The following CSMD3 variants were observed in gnomAD, a reference collection of about 807,000 sequenced individuals.
The protein encoded by CSMD3 is CUB and sushi domain-containing protein 3.
In CSMD3, 177 loss-of-function variants were observed where a neutral mutation model predicts 435.2. The observed-to-expected ratio is 0.41, with a 90% CI of 0.36 to 0.46. The LOEUF (loss-of-function observed/expected upper bound fraction) is 0.46. CSMD3 is among the 20% of genes least tolerant of loss of function. The probability of loss-of-function intolerance (pLI) is 0.34; values close to 1 mark genes in which losing one functional copy is unlikely to be tolerated. For missense variants in CSMD3, 4,265 were observed against 4,504.6 expected, an observed-to-expected ratio of 0.95 and a Z score of 1.52; for synonymous variants, 1,656 against 1,520.5, an observed-to-expected ratio of 1.09 and a Z score of -2.07.
intron 5 of CSMD3, among the ~76,000 whole-genome samples, chr8:113,091,865 T>C (rs1044608559): frequency 6.6e-6 from 1 of 152,012 alleles, no homozygotes; most frequent in Admixed American, 6.6e-5. Flanking sequence ...TTAAGATGCA[T>C]CATGGGTGTT....
intron 38 of CSMD3, among the ~76,000 whole-genome samples, chr8:112,373,005 A>AT (rs1193076452): frequency 1.3e-3 from 168 of 132,648 alleles, no homozygotes; most frequent in Admixed American, 4.9e-3. Flanking sequence ...TATATATAAA[A>AT]ATATATATAT....
intron 30 of CSMD3, among the ~76,000 whole-genome samples, chr8:112,493,591 C>T (rs1820920185): frequency 1.3e-5 from 2 of 151,980 alleles, no homozygotes; most frequent in African/African-American, 4.8e-5. Flanking sequence ...ATTTTCTATC[C>T]CTATGCAAAA....
intron 10 of CSMD3, among the ~76,000 whole-genome samples, chr8:112,861,416 CAT>C (rs1398392302): frequency 2.0e-5 from 3 of 151,876 alleles, no homozygotes; most frequent in East Asian, 3.8e-4. Flanking sequence ...TGCCATTTTA[CAT>C]AGTCATACAC....
At chr8:112,622,212 A>G (rs1270861733) in intron 22 of CSMD3, among the ~76,000 whole-genome samples, 1 of 152,126 alleles carries the variant, frequency 6.6e-6, no homozygotes, top group Non-Finnish European at 1.5e-5. Flanking sequence ...CATTCTGAAG[A>G]TCTTTAGCAC....
At chr8:112,788,628 T>C (rs2078613325) in intron 13 of CSMD3, among the ~76,000 whole-genome samples, 1 of 152,090 alleles carries the variant, frequency 6.6e-6, no homozygotes, top group South Asian at 2.1e-4. Context: ...AAATAATGAC[T>C]AAGTCTTTTA....
At chr8:113,309,477 T>C (rs1419683979) in intron 2 of CSMD3, 4 of 152,172 alleles carry the variant, frequency 2.6e-5, no homozygotes, top group Non-Finnish European at 5.9e-5. Context: ...AGTGAGAACA[T>C]GTGATATTTA....
At chr8:113,190,321 C>A (rs2131977653) in intron 3 of CSMD3, among the ~76,000 whole-genome samples, 1 of 151,804 alleles carries the variant, frequency 6.6e-6, no homozygotes, top group East Asian at 1.9e-4. Context: ...ATATTTACCA[C>A]TGTATTATTA....
chr8:113,271,679 A>G (rs2093528400), intron 3 of CSMD3, among the ~76,000 whole-genome samples: 1 of 152,152 alleles, frequency 6.6e-6, no homozygotes, highest in Non-Finnish European at 1.5e-5. Context: ...GCAGTGTGGA[A>G]GGGAAATGTG....
intron 20 of CSMD3, among the ~76,000 whole-genome samples, chr8:112,641,959 G>A (rs1184113214): frequency 6.6e-6 from 1 of 152,132 alleles, no homozygotes; most frequent in Non-Finnish European, 1.5e-5. Flanking sequence ...GAAAGAAGGG[G>A]ATTAGACAGG....
At chr8:112,925,056 C>T (rs1474436502) in intron 9 of CSMD3, among the ~76,000 whole-genome samples, 1 of 151,962 alleles carries the variant, frequency 6.6e-6, no homozygotes, top group Admixed American at 6.6e-5. Flanking sequence ...TATTTAAGTT[C>T]TGGTGGGGGA....
At chr8:112,380,321 C>A (rs538015134) in intron 38 of CSMD3, 31 bp downstream of exon 38, 2 of 1,185,624 alleles carry the variant, frequency 1.7e-6, no homozygotes, top group Non-Finnish European at 2.5e-6. Flanking sequence ...TGTTCTTAAC[C>A]TTTTTGAATG....
intron 23 of CSMD3, 28 bp downstream of exon 23, chr8:112,587,038 A>C (rs1485281915): frequency 5.8e-6 from 9 of 1,544,226 alleles, no homozygotes; most frequent in Admixed American, 5.0e-5. Flanking sequence ...AAAATGAACA[A>C]TATACAAGTA....
At chr8:112,815,336 G>C (rs1331542157) in intron 12 of CSMD3, among the ~76,000 whole-genome samples, 1 of 152,104 alleles carries the variant, frequency 6.6e-6, no homozygotes, top group East Asian at 1.9e-4. Flanking sequence ...GCATAATAAG[G>C]TAGGATAATG....
chr8:112,286,256 T>C (rs114796105), intron 58 of CSMD3, among the ~76,000 whole-genome samples: 163 of 152,270 alleles, frequency 1.1e-3, no homozygotes, highest in African/African-American at 3.7e-3. Flanking sequence ...ACAATATAGG[T>C]ACACTAGTCT....
intron 4 of CSMD3, among the ~76,000 whole-genome samples, chr8:113,131,376 G>A (rs2091279690): frequency 6.6e-6 from 1 of 152,000 alleles, no homozygotes; most frequent in Non-Finnish European, 1.5e-5. Flanking sequence ...CTCAGGACAT[G>A]GTGTCATGTG....
intron 32 of CSMD3, among the ~76,000 whole-genome samples, chr8:112,462,770 C>T (rs1333398287): frequency 6.6e-6 from 1 of 152,136 alleles, no homozygotes; most frequent in Non-Finnish European, 1.5e-5. Flanking sequence ...TCAAGCCCCA[C>T]CACTCCTCCT....
chr8:112,896,953 C>T (rs2081966467), intron 10 of CSMD3, among the ~76,000 whole-genome samples: 1 of 151,460 alleles, frequency 6.6e-6, no homozygotes, highest in African/African-American at 2.4e-5. Context: ...TCTTTACCCT[C>T]TACCTCCTCT....
At chr8:112,390,627 C>A (rs748961310) in intron 36 of CSMD3, 37 bp downstream of exon 36, 29 of 1,554,308 alleles carry the variant, frequency 1.9e-5, no homozygotes, top group Non-Finnish European at 2.5e-5. Context: ...TAACTACACA[C>A]ATACAATGAA....
chr8:113,418,565 G>A (rs539335180), intron 1 of CSMD3, among the ~76,000 whole-genome samples: 1 of 152,006 alleles, frequency 6.6e-6, no homozygotes, highest in Non-Finnish European at 1.5e-5. Flanking sequence ...CAAAATAAAC[G>A]GGCATACACA....
Sources: allele counts gnomAD v4.1 joint callset (sites outside exome capture counted in the v4.1 genomes callset), GRCh38; gene constraint gnomAD v4.1.1; transcripts MANE v1.5; gene names NCBI Gene and HGNC (gene_info 2026-07-23, HGNC 2026-07-21).